CRACR2A: variants seen among roughly 807,000 people sequenced by gnomAD.
CRACR2A encodes calcium release activated channel regulator 2A.
CRACR2A carries 79 observed loss-of-function variants against 90.5 expected under a neutral mutation model. That is an observed-to-expected ratio of 0.87 (90% CI 0.73 to 1.05). The LOEUF (loss-of-function observed/expected upper bound fraction) is 1.05, where lower values mean the gene tolerates loss of function less well. Ranked by LOEUF, CRACR2A falls within the 50% of genes least tolerant of loss-of-function variation. The probability of loss-of-function intolerance (pLI) is 0.00; values close to 1 mark genes in which losing one functional copy is unlikely to be tolerated. For missense variants in CRACR2A, 823 were observed against 897.2 expected (o/e 0.92, Z 1.06); for synonymous variants, 338 against 356.7 (o/e 0.95, Z 0.59).
At chr12:3,626,519 T>G (rs776124466) in intron 17 of CRACR2A, among the ~76,000 whole-genome samples, 7 of 152,210 alleles carry the variant, frequency 4.6e-5, no homozygotes, top group Middle Eastern at 3.2e-3. Context: ...GAGCTGAACA[T>G]AAGCTTCATG....
chr12:3,752,337 GACAC>G (rs60953429), intron 1 of CRACR2A, among the ~76,000 whole-genome samples: 19 of 68,748 alleles, frequency 2.8e-4, no homozygotes, highest in African/African-American at 6.3e-4. Context: ...CACACACACG[GACAC>G]ACACACACAC....
At chr12:3,708,518 G>A (rs1014986897) in intron 3 of CRACR2A, among the ~76,000 whole-genome samples, 5 of 152,236 alleles carry the variant, frequency 3.3e-5, no homozygotes, top group East Asian at 1.9e-4. Flanking sequence ...TCCGCCTCCC[G>A]GGTTCGCGCC....
rs242036 is a variant in CRACR2A at position 3,672,780 on chromosome 12, A to G, written c.671+666T>C. ...CTTCAGCAGCTTCTTCAGGGCTGTG[A>G]GTGAGGAGGACTCTGGGTTGTTTCT... On this transcript the variant is annotated intron_variant, in intron 7 of 19. Coordinates refer to ENST00000440314, the MANE Select transcript of CRACR2A (RefSeq NM_001144958.2). 7.8e-4 allele frequency: 767 copies of G among 985,350 alleles called. 4 individuals are homozygous for G. In the African/African-American group the frequency reaches 0.012, roughly 15 times the overall value. 61.0% of individuals were successfully genotyped at this position (985,350 alleles called of 1,614,324 possible).
At chr12:3,643,408 G>C (rs762417534) in intron 12 of CRACR2A, among the ~76,000 whole-genome samples, 1 of 152,158 alleles carries the variant, frequency 6.6e-6, no homozygotes, top group Non-Finnish European at 1.5e-5. Flanking sequence ...TTGTATGGAG[G>C]GGGGATGGGA....
chr12:3,638,040 C>G, intron 14 of CRACR2A, 84 bp downstream of exon 14: 1 of 1,355,710 alleles, frequency 7.4e-7, no homozygotes, highest in South Asian at 1.5e-5. Flanking sequence ...ACCTCCTGAG[C>G]TGCCTCTCCG....
chr12:3,720,281 G>A, intron 2 of CRACR2A, among the ~76,000 whole-genome samples: 2 of 130,902 alleles, frequency 1.5e-5, no homozygotes, highest in Non-Finnish European at 3.2e-5. Flanking sequence ...AAGAGAGAGA[G>A]AAAGAAAGAA....
At chr12:3,690,877 GTCT>G (rs1242263039) in intron 4 of CRACR2A, among the ~76,000 whole-genome samples, 1 of 152,150 alleles carries the variant, frequency 6.6e-6, no homozygotes, top group African/African-American at 2.4e-5. Context: ...AGATAGTTAG[GTCT>G]TCTTATTGAA....
intron 1 of CRACR2A, among the ~76,000 whole-genome samples, chr12:3,748,195 C>G (rs903157768): frequency 6.6e-6 from 1 of 152,226 alleles, no homozygotes; most frequent in Non-Finnish European, 1.5e-5. Context: ...TTTTCCACCC[C>G]CAGGCAGGGC....
Position 3,673,474 on chromosome 12 carries a change from TCTC to T in CRACR2A, c.640_642del (p.Glu214del). On this transcript the variant is annotated inframe_deletion, in exon 7 of 20. Coordinates refer to ENST00000440314, the MANE Select transcript of CRACR2A (RefSeq NM_001144958.2). ...TTTAGGGCACACTCCAGTTCATTCT[TCTC>T]CTCATGGGCTTCTTGGAGCTGGGAG... 4 of 1,614,036 alleles carry T rather than the reference TCTC, an allele frequency of 2.5e-6. No homozygotes were observed. The highest frequency in any genetic ancestry group is 3.4e-6 in the Non-Finnish European group (4 of 1,179,986).
chr12:3,703,570 A>C (rs1945868416), intron 3 of CRACR2A, among the ~76,000 whole-genome samples: 1 of 152,238 alleles, frequency 6.6e-6, no homozygotes, highest in African/African-American at 2.4e-5. Flanking sequence ...AATACGACAA[A>C]TTGGTCTTCA....
chr12:3,686,183 A>T (rs1386622413), intron 4 of CRACR2A, among the ~76,000 whole-genome samples: 1 of 152,268 alleles, frequency 6.6e-6, no homozygotes, highest in Non-Finnish European at 1.5e-5. Flanking sequence ...AAAATCTTTT[A>T]AAGTTTTCTA....
chr12:3,646,096 C>T lies in CRACR2A; in HGVS notation c.1119-1456G>A, dbSNP rs964547095. Among the ~76,000 whole-genome samples, 4 of 152,170 alleles carry T rather than the reference C, an allele frequency of 2.6e-5. No homozygotes were observed. The East Asian group carries it at 7.7e-4, about 29-fold the overall frequency. ...GGAAGCTCTTATTGCATGGTTCCAG[C>T]TGTGAAACAGGAGCAAGCGTGAGGA... On this transcript the variant is annotated intron_variant, in intron 11 of 19. Coordinates refer to ENST00000440314, the MANE Select transcript of CRACR2A (RefSeq NM_001144958.2).
chr12:3,638,224 G>A lies in CRACR2A; in HGVS notation c.1502C>T (p.Ser501Phe), dbSNP rs1484448376. ...GATTTGTCCCTGTACCCCCTGGTCAGAGACCTCTTCCTCTTCTGAGCATTT... is the reference window on the plus strand; with the variant it reads ...GATTTGTCCCTGTACCCCCTGGTCAAAGACCTCTTCCTCTTCTGAGCATTT... ...LSKCSEEEEV[S>F]DQGVQGQIPE... Residue 501 changes from serine to phenylalanine, a missense_variant, in exon 14 of 20, where the codon TCT (serine) becomes TTT (phenylalanine). Physicochemically the swap from Ser to Phe is radical, Grantham distance 155 (BLOSUM62 -2). Transcript: ENST00000440314. The A allele has an allele frequency of 3.2e-6, 5 of 1,551,684 alleles. No homozygotes were observed. In the Admixed American group the frequency reaches 5.9e-5, roughly 18 times the overall value.
chr12:3,679,691 T>C (rs1222504379), intron 5 of CRACR2A, among the ~76,000 whole-genome samples: 1 of 152,248 alleles, frequency 6.6e-6, no homozygotes, highest in African/African-American at 2.4e-5. Context: ...TGGCTTTTGA[T>C]GTATCTGATA....
At chr12:3,707,473 A>G (rs965107673) in intron 3 of CRACR2A, among the ~76,000 whole-genome samples, 3 of 152,222 alleles carry the variant, frequency 2.0e-5, no homozygotes, top group Non-Finnish European at 2.9e-5. Flanking sequence ...GTTGTAAACC[A>G]CTTTGAAGAT....
chr12:3,694,517 C>T (rs920255689), intron 4 of CRACR2A, among the ~76,000 whole-genome samples: 18 of 152,164 alleles, frequency 1.2e-4, no homozygotes, highest in Admixed American at 2.6e-4. Flanking sequence ...AAGCTGGACA[C>T]CAACCAAAGG....
chr12:3,666,364 T>TGTGTGTGCGCGC (rs765943563), intron 7 of CRACR2A, among the ~76,000 whole-genome samples: 17 of 149,600 alleles, frequency 1.1e-4, no homozygotes, highest in African/African-American at 3.2e-4. Context: ...TGCGTGCGTG[T>TGTGTGTGCGCGC]GCGCGTGCGC....
chr12:3,628,554 C>G (rs1431093719), intron 15 of CRACR2A, among the ~76,000 whole-genome samples: 2 of 152,180 alleles, frequency 1.3e-5, no homozygotes, highest in Admixed American at 1.3e-4. Flanking sequence ...AGAGAGGGGG[C>G]AAGGTCAGTG....
intron 4 of CRACR2A, among the ~76,000 whole-genome samples, chr12:3,694,325 G>A (rs1214530606): frequency 2.0e-5 from 3 of 152,222 alleles, no homozygotes; most frequent in Non-Finnish European, 4.4e-5. Flanking sequence ...TCAGCCTCCT[G>A]TGTTCTCCCT....
Sources: allele counts gnomAD v4.1 joint callset (sites outside exome capture counted in the v4.1 genomes callset), GRCh38; gene constraint gnomAD v4.1.1; transcripts MANE v1.5; gene names NCBI Gene and HGNC (gene_info 2026-07-23, HGNC 2026-07-21).